The following DPP6 variants were observed in gnomAD, a reference collection of about 807,000 sequenced individuals.
DPP6 encodes the protein A-type potassium channel modulatory protein DPP6.
DPP6 carries 69 observed loss-of-function variants against 122.6 expected under a neutral mutation model. The ratio of observed to expected loss-of-function variants is 0.56; its 90% CI spans 0.46 to 0.69. DPP6 has a LOEUF of 0.69. DPP6 is among the 30% of genes least tolerant of loss of function. The probability of loss-of-function intolerance (pLI) is 0.00; values close to 1 mark genes in which losing one functional copy is unlikely to be tolerated. For missense variants in DPP6, 928 were observed against 1,116.9 expected (o/e 0.83, Z 2.41); for synonymous variants, 418 against 433.1 (o/e 0.97, Z 0.43).
intron 6 of DPP6, among the ~76,000 whole-genome samples, chr7:154,645,766 C>T (rs960638645): frequency 4.6e-5 from 7 of 152,174 alleles, no homozygotes; most frequent in Non-Finnish European, 1.0e-4. Context: ...CGGTGGTTCA[C>T]GCCTGTAATC....
At chr7:153,868,902 G>C in the DPP6 span, among the ~76,000 whole-genome samples, 2 of 151,958 alleles carry the variant, frequency 1.3e-5, no homozygotes. Flanking sequence ...CTTTCATTTC[G>C]TTATGTACCC....
At chr7:154,826,142 C>A (rs185282821) in intron 16 of DPP6, among the ~76,000 whole-genome samples, 1 of 152,174 alleles carries the variant, frequency 6.6e-6, no homozygotes, top group Non-Finnish European at 1.5e-5. Context: ...CTGCACATTC[C>A]GAGTTTGGCA....
At chr7:154,583,545 C>T (rs564449089) in intron 5 of DPP6, among the ~76,000 whole-genome samples, 47 of 152,308 alleles carry the variant, frequency 3.1e-4, no homozygotes, top group Non-Finnish European at 6.3e-4. Flanking sequence ...CCTACTACGG[C>T]AACTACTGCA....
chr7:154,201,171 A>G (rs1799154275), intron 1 of DPP6, among the ~76,000 whole-genome samples: 1 of 151,952 alleles, frequency 6.6e-6, no homozygotes, highest in South Asian at 2.1e-4. Context: ...CCTGTCCCCC[A>G]GGCTGGAATG....
chr7:154,827,263 C>T lies in DPP6; in HGVS notation c.1666+20151C>T, dbSNP rs370961860. On this transcript the variant is annotated intron_variant, in intron 16 of 25. Coordinates refer to ENST00000377770, the MANE Select transcript of DPP6 (RefSeq NM_130797.4). ...ACTGGATTTTGAACATCTCAATCAGCTCTTCCCCATTCTCATCCTCTTTCT... is the reference window on the plus strand; with the variant it reads ...ACTGGATTTTGAACATCTCAATCAGTTCTTCCCCATTCTCATCCTCTTTCT... Among the ~76,000 whole-genome samples the T allele has an allele frequency of 5.9e-5, 9 of 151,800 alleles. No homozygotes were observed. In the East Asian group the frequency reaches 1.6e-3, roughly 26 times the overall value.
rs11243354 is a variant in DPP6 at position 154,587,524 on chromosome 7, T to C, written c.627+20608T>C. 0.2 allele frequency: 197,908 copies of C among 1,007,696 alleles called. 23,340 individuals carry two copies. Among genetic ancestry groups the C allele is most frequent in the African/African-American group, 0.5 (31,232 of 62,174 alleles). 62.4% of individuals were successfully genotyped at this position (1,007,696 alleles called of 1,614,324 possible). On this transcript the variant is annotated intron_variant, in intron 5 of 25. Transcript: ENST00000377770. ...ATTGTACCTCTGCTTGAAGACCCAATGTGAACATTGCCCATTGATTTTTGT... is the reference window on the plus strand; with the variant it reads ...ATTGTACCTCTGCTTGAAGACCCAACGTGAACATTGCCCATTGATTTTTGT...
At position 154,875,794 on chromosome 7, in the gene DPP6, G is replaced by A; in HGVS notation, c.1884-112G>A. The A allele has an allele frequency of 7.0e-7, 1 of 1,438,256 alleles. No homozygotes were observed. The highest frequency in any genetic ancestry group is 9.3e-7 in the Non-Finnish European group (1 of 1,077,898). The allele number at this position is 1,438,256 out of a possible 1,614,324, so 89.1% of individuals were successfully genotyped here. A position where few individuals can be genotyped will look rare whatever the true frequency, so the allele number is the denominator to read the frequency against. On this transcript the variant is annotated intron_variant, in intron 19 of 25. Transcript: ENST00000377770. The surrounding 1 kb of genome is among the most constrained non-coding windows in gnomAD (Gnocchi z 4.5). ...TCTGGGGTATGGAGTTGAGCGTGTG[G>A]CAGCCGGGTCACGGGTAAAATCCCT...
chr7:154,587,626 T>C (rs767322341), intron 5 of DPP6: 1 of 1,530,892 alleles, frequency 6.5e-7, no homozygotes, highest in East Asian at 2.5e-5. Context: ...TCTAAAATGA[T>C]TCTGCCCATC....
chr7:154,064,316 CAGG>C (rs1334521812), intron 1 of DPP6, among the ~76,000 whole-genome samples: 2 of 152,200 alleles, frequency 1.3e-5, no homozygotes, highest in Non-Finnish European at 2.9e-5. Flanking sequence ...GAGTCTCCAG[CAGG>C]ACCTTTTGCA....
intron 7 of DPP6, among the ~76,000 whole-genome samples, chr7:154,680,545 C>G (rs1023319726): frequency 6.6e-6 from 1 of 151,988 alleles, no homozygotes; most frequent in Non-Finnish European, 1.5e-5. Flanking sequence ...AATAGCAGGA[C>G]TAAAAATAAG....
chr7:154,436,811 T>A lies in DPP6; in HGVS notation c.244-9403T>A, dbSNP rs760415846. Reference sequence around the variant, plus strand: ...GAGTTATGCAGCATCCTGGATTTCATGGAAATGTCTTTCTGGCTTGTCTTC... The same window carrying A: ...GAGTTATGCAGCATCCTGGATTTCAAGGAAATGTCTTTCTGGCTTGTCTTC... On this transcript the variant is annotated intron_variant, in intron 1 of 25. Transcript: ENST00000377770. Among the ~76,000 whole-genome samples the A allele has an allele frequency of 8.5e-5, 13 of 152,340 alleles. No homozygotes were observed. In the East Asian group the frequency reaches 2.3e-3, roughly 27 times the overall value.
At chr7:154,111,973 C>G (rs1041857255) in intron 1 of DPP6, among the ~76,000 whole-genome samples, 28 of 152,220 alleles carry the variant, frequency 1.8e-4, no homozygotes, top group Admixed American at 6.5e-4. Flanking sequence ...TTTATTAAGG[C>G]CAAAATGGGC....
intron 18 of DPP6, among the ~76,000 whole-genome samples, chr7:154,870,164 T>TTTTTTC: frequency 7.5e-6 from 1 of 133,956 alleles, no homozygotes; most frequent in East Asian, 2.0e-4. Flanking sequence ...TTTTTTTTTT[T>TTTTTTC]CGTAGAGACA....
chr7:154,052,233 C>T (rs1397449396), upstream of DPP6, among the ~76,000 whole-genome samples: 1 of 151,980 alleles, frequency 6.6e-6, no homozygotes, highest in African/African-American at 2.4e-5. This position sits in a 1 kb window ranked among gnomAD's most constrained non-coding sequence, Gnocchi z 4.8. Flanking sequence ...CACGCACCCT[C>T]GCACCCTTTT....
chr7:153,918,620 GTCTCTC>G (rs1800486904), intron 1 of DPP6, among the ~76,000 whole-genome samples: 14 of 58,396 alleles, frequency 2.4e-4, no homozygotes, highest in Admixed American at 9.1e-4. Context: ...CTCTCTCTCT[GTCTCTC>G]TCACTACTGG....
chr7:154,376,182 C>T (rs551868313), intron 1 of DPP6, among the ~76,000 whole-genome samples: 26 of 152,260 alleles, frequency 1.7e-4, no homozygotes, highest in Admixed American at 5.2e-4. Flanking sequence ...TTCCCATGTG[C>T]GGGGAAGGGC....
chr7:154,892,058 G>A (rs1024595419), intron 25 of DPP6, among the ~76,000 whole-genome samples: 1 of 152,174 alleles, frequency 6.6e-6, no homozygotes, highest in Non-Finnish European at 1.5e-5. Context: ...GCCAGGCACC[G>A]GGGGCGTGGT....
intron 1 of DPP6, among the ~76,000 whole-genome samples, chr7:154,203,604 G>A (rs534273180): frequency 6.6e-6 from 1 of 152,282 alleles, no homozygotes; most frequent in Admixed American, 6.5e-5. Context: ...CCAAGCAAGC[G>A]ACATATCCTA....
At chr7:153,905,263 T>C (rs1799800860) in intron 1 of DPP6, among the ~76,000 whole-genome samples, 1 of 152,166 alleles carries the variant, frequency 6.6e-6, no homozygotes, top group African/African-American at 2.4e-5. Context: ...AGGATCTGGT[T>C]CGTATGATTA....
Sources: allele counts gnomAD v4.1 joint callset (sites outside exome capture counted in the v4.1 genomes callset), GRCh38; gene constraint gnomAD v4.1.1; non-coding constraint Gnocchi (gnomAD v3.1); transcripts MANE v1.5; gene names NCBI Gene and HGNC (gene_info 2026-07-23, HGNC 2026-07-21).